FRMD5: variants seen among roughly 807,000 people sequenced by gnomAD.
FRMD5 encodes the protein FERM domain containing 5, also known as FERM domain-containing protein 5.
FRMD5 carries 20 observed loss-of-function variants against 69.0 expected under a neutral mutation model. The ratio of observed to expected loss-of-function variants is 0.29; its 90% CI spans 0.20 to 0.42. The LOEUF (loss-of-function observed/expected upper bound fraction) is 0.42. Among genes scored for constraint, FRMD5 ranks in the 10% least tolerant of loss-of-function variants. The pLI is 1.00. For synonymous variants in FRMD5, 271 were observed against 260.1 expected (o/e 1.04, Z -0.40); for missense variants, 595 against 708.6 (o/e 0.84, Z 1.82).
At chr15:43,994,390 AACATTT>A in intron 1 of FRMD5, among the ~76,000 whole-genome samples, 1 of 152,314 alleles carries the variant, frequency 6.6e-6, no homozygotes, top group African/African-American at 2.4e-5. Flanking sequence ...TTTTACTATC[AACATTT>A]ACATCTTTTT....
At chr15:44,193,347 G>C (rs1451576166) in intron 1 of FRMD5, among the ~76,000 whole-genome samples, 4 of 151,972 alleles carry the variant, frequency 2.6e-5, no homozygotes, top group African/African-American at 9.7e-5. Context: ...TAAAACAAAA[G>C]GATAAAGACT....
intron 1 of FRMD5, among the ~76,000 whole-genome samples, chr15:44,053,937 G>A (rs888331470): frequency 1.3e-5 from 2 of 152,218 alleles, no homozygotes; most frequent in African/African-American, 2.4e-5. Flanking sequence ...TTCACAAAAT[G>A]AGATTAATAA....
At chr15:44,025,821 G>A (rs1891406936) in intron 1 of FRMD5, among the ~76,000 whole-genome samples, 2 of 152,154 alleles carry the variant, frequency 1.3e-5, no homozygotes, top group Admixed American at 1.3e-4. Context: ...CTCACTTACC[G>A]CCTTTCTGGG....
intron 1 of FRMD5, among the ~76,000 whole-genome samples, chr15:43,929,786 T>A (rs2089644750): frequency 6.6e-6 from 1 of 152,208 alleles, no homozygotes. Flanking sequence ...GCCTGCATTC[T>A]AGCTTAACTA....
intron 1 of FRMD5, among the ~76,000 whole-genome samples, chr15:44,011,205 T>TCCCTTTCTTCCTCTCTCCCC (rs1555394015): frequency 1.3e-5 from 2 of 152,022 alleles, no homozygotes; most frequent in Non-Finnish European, 2.9e-5. Context: ...CCTCTCTCCC[T>TCCCTTTCTTCCTCTCTCCCC]CCCTTTCTTC....
chr15:44,025,602 T>G (rs374605955), intron 1 of FRMD5, among the ~76,000 whole-genome samples: 6 of 152,222 alleles, frequency 3.9e-5, no homozygotes, highest in Admixed American at 3.3e-4. Flanking sequence ...AACTCATAAT[T>G]TAATTAGTAT....
At chr15:44,056,808 T>C (rs895234556) in intron 1 of FRMD5, among the ~76,000 whole-genome samples, 2 of 152,118 alleles carry the variant, frequency 1.3e-5, no homozygotes, top group Non-Finnish European at 2.9e-5. Flanking sequence ...TCATTGACCC[T>C]TAAACACCTC....
At chr15:43,922,111 T>C (rs1195093750) in intron 2 of FRMD5, among the ~76,000 whole-genome samples, 1 of 152,186 alleles carries the variant, frequency 6.6e-6, no homozygotes, top group Non-Finnish European at 1.5e-5. Flanking sequence ...CTGCTCTCCT[T>C]AACCCCTCCC....
At chr15:44,139,601 G>C (rs1352078620) in intron 1 of FRMD5, among the ~76,000 whole-genome samples, 1 of 150,998 alleles carries the variant, frequency 6.6e-6, no homozygotes, top group Non-Finnish European at 1.5e-5. Context: ...AATAAAAAAA[G>C]ACATTACAGG....
intron 1 of FRMD5, among the ~76,000 whole-genome samples, chr15:44,030,047 A>T (rs932981887): frequency 2.0e-5 from 3 of 152,244 alleles, no homozygotes; most frequent in Non-Finnish European, 2.9e-5. Context: ...CTGCCTTGGT[A>T]GCCTGATGCT....
At position 44,121,598 on chromosome 15, in the gene FRMD5, C is replaced by G. The variant is rs553439049; in HGVS notation, c.102+73355G>C. On this transcript the variant is annotated intron_variant, in intron 1 of 13. Transcript: ENST00000417257. The stretch of plus-strand genomic sequence containing the variant: ...TTCTCTCAAGCTTGACCCTTTCTCT[C>G]TAGTTTTCTAGATCTTTCATGGGTA... 2.0e-5 allele frequency among the ~76,000 whole-genome samples: 3 copies of G among 151,764 alleles called. No individual in the cohort carries two copies. The East Asian group carries it at 5.8e-4, about 30-fold the overall frequency.
chr15:44,085,336 A>AAAAAAAAAAGACTTATTTC (rs1894153603), intron 1 of FRMD5, among the ~76,000 whole-genome samples: 1 of 152,182 alleles, frequency 6.6e-6, no homozygotes, highest in Non-Finnish European at 1.5e-5. Flanking sequence ...ATTTCTGTCA[A>AAAAAAAAAAGACTTATTTC]TAGGGTAGAC....
At chr15:44,011,715 T>C (rs1447481456) in intron 1 of FRMD5, among the ~76,000 whole-genome samples, 1 of 152,056 alleles carries the variant, frequency 6.6e-6, no homozygotes, top group African/African-American at 2.4e-5. Context: ...AATACTTGCA[T>C]TTAGGATAAG....
intron 1 of FRMD5, among the ~76,000 whole-genome samples, chr15:44,092,157 G>A (rs1009416588): frequency 6.6e-6 from 1 of 152,048 alleles, no homozygotes; most frequent in Non-Finnish European, 1.5e-5. Flanking sequence ...TCTGTTTTGG[G>A]AATCTAGTCC....
intron 1 of FRMD5, among the ~76,000 whole-genome samples, chr15:43,984,453 G>C (rs530909421): frequency 6.6e-6 from 1 of 152,168 alleles, no homozygotes; most frequent in African/African-American, 2.4e-5. Context: ...GTAAGCACTG[G>C]AGCAGGACTG....
chr15:44,161,139 A>C (rs1037813606), intron 1 of FRMD5, among the ~76,000 whole-genome samples: 2 of 152,170 alleles, frequency 1.3e-5, no homozygotes, highest in East Asian at 3.8e-4. Flanking sequence ...TGAGTTAACA[A>C]TAAATGTAGA....
In FRMD5 at chr15:43,871,296, C is replaced by G. The variant is rs1237370686; in HGVS notation, c.*2589G>C. 2 of 152,166 alleles carry G rather than the reference C, an allele frequency of 1.3e-5. No individual in the cohort carries two copies. Among genetic ancestry groups the G allele is most frequent in the Non-Finnish European group, 2.9e-5 (2 of 68,018 alleles). 9.4% of individuals were successfully genotyped at this position (152,166 alleles called of 1,614,324 possible). A position where few individuals can be genotyped will look rare whatever the true frequency, so the allele number is the denominator to read the frequency against. On this transcript the variant is annotated 3_prime_UTR_variant, in exon 14 of 14. Coordinates refer to ENST00000417257, the MANE Select transcript of FRMD5 (RefSeq NM_032892.5). ...TTTCTGTTTACAGAGCAAAATTTAG[C>G]TGTTAGAAATGGCATAGACTACTGT...
chr15:43,934,116 C>T (rs1180743401), intron 1 of FRMD5, among the ~76,000 whole-genome samples: 1 of 152,196 alleles, frequency 6.6e-6, no homozygotes, highest in South Asian at 2.1e-4. Context: ...TCTCCTTTCT[C>T]TCCTTTTCCT....
chr15:44,041,407 G>A (rs976807648), intron 1 of FRMD5, among the ~76,000 whole-genome samples: 6 of 151,192 alleles, frequency 4.0e-5, no homozygotes, highest in East Asian at 1.9e-4. Context: ...GCACCACATT[G>A]CGCTTATTCT....
Sources: allele counts gnomAD v4.1 joint callset (sites outside exome capture counted in the v4.1 genomes callset), GRCh38; gene constraint gnomAD v4.1.1; transcripts MANE v1.5; gene names NCBI Gene and HGNC (gene_info 2026-07-23, HGNC 2026-07-21).